SLC35F1: variants seen among roughly 807,000 people sequenced by gnomAD.
SLC35F1 encodes solute carrier family 35 member F1, also known as chromosome 6 open reading frame 169.
A neutral mutation model predicts 48.7 loss-of-function variants in SLC35F1; 14 were observed. The observed-to-expected ratio is 0.29, with a 90% CI of 0.19 to 0.45. The LOEUF is 0.45. Among genes scored for constraint, SLC35F1 ranks in the 20% least tolerant of loss-of-function variants. SLC35F1 has a pLI of 1.00. For synonymous variants in SLC35F1, 190 were observed against 202.2 expected (o/e 0.94, Z 0.51); for missense variants, 404 against 500.0 (o/e 0.81, Z 1.83).
chr6:118,067,619 T>C (rs775855902), intron 1 of SLC35F1, among the ~76,000 whole-genome samples: 1 of 152,104 alleles, frequency 6.6e-6, no homozygotes, highest in Non-Finnish European at 1.5e-5. Flanking sequence ...CAAATGATGA[T>C]GAAAATTCAG....
intron 1 of SLC35F1, among the ~76,000 whole-genome samples, chr6:118,137,897 C>T (rs1773821117): frequency 6.6e-6 from 1 of 152,114 alleles, no homozygotes; most frequent in Admixed American, 6.5e-5. Context: ...CTGCCTTTAC[C>T]CCTAACATAA....
intron 1 of SLC35F1, among the ~76,000 whole-genome samples, chr6:118,046,787 C>A (rs118186432): frequency 0.014 from 2,198 of 152,188 alleles, 33 homozygotes; most frequent in Non-Finnish European, 0.023. Context: ...ATACCTATTT[C>A]TCAGACAAGA....
At chr6:118,129,799 A>G (rs963330412) in intron 1 of SLC35F1, among the ~76,000 whole-genome samples, 2 of 152,180 alleles carry the variant, frequency 1.3e-5, no homozygotes, top group African/African-American at 4.8e-5. Flanking sequence ...TATTTAAGAG[A>G]TGATTTACAT....
chr6:117,963,431 A>G (rs565696963), intron 1 of SLC35F1, among the ~76,000 whole-genome samples: 105 of 151,882 alleles, frequency 6.9e-4, no homozygotes, highest in Non-Finnish European at 1.3e-3. Context: ...CACACATCAC[A>G]TATGCACAAA....
At chr6:118,232,605 A>T (rs1341640287) in intron 2 of SLC35F1, among the ~76,000 whole-genome samples, 3 of 150,812 alleles carry the variant, frequency 2.0e-5, no homozygotes, top group African/African-American at 7.3e-5. Flanking sequence ...AACCTAGCCC[A>T]GTCTAGGGTA....
intron 3 of SLC35F1, among the ~76,000 whole-genome samples, chr6:118,266,318 A>T (rs1280160632): frequency 3.9e-5 from 6 of 152,200 alleles, no homozygotes; most frequent in African/African-American, 1.4e-4. Flanking sequence ...CAAAATATAT[A>T]AAAAATGAAA....
At chr6:118,094,286 CAG>C (rs1176991248) in intron 1 of SLC35F1, among the ~76,000 whole-genome samples, 2 of 152,048 alleles carry the variant, frequency 1.3e-5, no homozygotes, top group Non-Finnish European at 2.9e-5. Context: ...TTAGAGAAAA[CAG>C]AATATAATGG....
intron 1 of SLC35F1, among the ~76,000 whole-genome samples, chr6:118,089,550 G>A (rs1476026188): frequency 6.6e-6 from 1 of 152,088 alleles, no homozygotes; most frequent in African/African-American, 2.4e-5. Context: ...AGGAGAGGGT[G>A]GCATTAACAA....
At chr6:118,027,683 C>T (rs1225878691) in intron 1 of SLC35F1, among the ~76,000 whole-genome samples, 2 of 151,970 alleles carry the variant, frequency 1.3e-5, no homozygotes, top group African/African-American at 2.4e-5. Context: ...ATTGTAAGAG[C>T]TCTTCATATA....
chr6:118,222,205 A>G (rs2114564778), intron 2 of SLC35F1, among the ~76,000 whole-genome samples: 1 of 152,268 alleles, frequency 6.6e-6, no homozygotes, highest in Admixed American at 6.5e-5. Flanking sequence ...CTGCATTTTA[A>G]AAAGCTCTCA....
intron 2 of SLC35F1, among the ~76,000 whole-genome samples, chr6:118,195,103 G>A (rs558403116): frequency 2.6e-5 from 4 of 152,238 alleles, no homozygotes; most frequent in Non-Finnish European, 4.4e-5. Context: ...GTTGGGCCTT[G>A]TCATCTTTAG....
At chr6:118,074,323 T>C (rs1002534424) in intron 1 of SLC35F1, among the ~76,000 whole-genome samples, 4 of 152,154 alleles carry the variant, frequency 2.6e-5, no homozygotes, top group African/African-American at 9.7e-5. Context: ...AAAACAATGT[T>C]TTTATGTTCC....
At chr6:118,198,623 A>T (rs567451997) in intron 2 of SLC35F1, among the ~76,000 whole-genome samples, 249 of 152,352 alleles carry the variant, frequency 1.6e-3, no homozygotes, top group Non-Finnish European at 2.7e-3. Flanking sequence ...AGAAGAATTA[A>T]ACACTTACAC....
intron 1 of SLC35F1, among the ~76,000 whole-genome samples, chr6:118,023,579 G>T (rs182008852): frequency 9.4e-4 from 143 of 152,252 alleles, no homozygotes; most frequent in Admixed American, 3.1e-3. Context: ...AAGGGATTTG[G>T]TGGCATGATA....
intron 1 of SLC35F1, among the ~76,000 whole-genome samples, chr6:118,153,996 G>A (rs889284964): frequency 2.6e-5 from 4 of 152,084 alleles, no homozygotes; most frequent in Non-Finnish European, 4.4e-5. Flanking sequence ...TTATTGGTAC[G>A]AGAACCTGAG....
rs1775699680 is a variant in SLC35F1, at chr6:117,907,407, C to T, written c.-320C>T. 1.0e-5 allele frequency: 2 copies of T among 191,988 alleles called. No homozygotes were observed. Among genetic ancestry groups the T allele is most frequent in the South Asian group, 1.7e-4 (1 of 6,016 alleles). 11.9% of individuals were successfully genotyped at this position (191,988 alleles called of 1,614,324 possible). A position where few individuals can be genotyped will look rare whatever the true frequency, so the allele number is the denominator to read the frequency against. ...CCCGGAACCGACCGGCAGCTCCGCG[C>T]CCCCGCGCGACACCCTTCGCAGCCA... On this transcript the variant is annotated 5_prime_UTR_variant, in exon 1 of 8. Coordinates refer to ENST00000360388, the MANE Select transcript of SLC35F1 (RefSeq NM_001029858.4).
At chr6:118,212,022 T>G (rs542665476) in intron 2 of SLC35F1, among the ~76,000 whole-genome samples, 1 of 152,358 alleles carries the variant, frequency 6.6e-6, no homozygotes, top group South Asian at 2.1e-4. Flanking sequence ...AGCTACAGTA[T>G]TCTTATTTCC....
At chr6:117,964,541 TGTAATTGA>T (rs1411252741) in intron 1 of SLC35F1, among the ~76,000 whole-genome samples, 1 of 152,222 alleles carries the variant, frequency 6.6e-6, no homozygotes, top group African/African-American at 2.4e-5. Flanking sequence ...TGTTTCATCA[TGTAATTGA>T]GTGAGGCCTA....
intron 1 of SLC35F1, among the ~76,000 whole-genome samples, chr6:118,069,690 G>A (rs1482146734): frequency 6.6e-6 from 1 of 152,152 alleles, no homozygotes; most frequent in Non-Finnish European, 1.5e-5. Flanking sequence ...CTTTGCAGCA[G>A]AAATAATTAT....
Sources: allele counts gnomAD v4.1 joint callset (sites outside exome capture counted in the v4.1 genomes callset), GRCh38; gene constraint gnomAD v4.1.1; transcripts MANE v1.5; gene names NCBI Gene and HGNC (gene_info 2026-07-23, HGNC 2026-07-21).